DCAF1: variants seen among roughly 807,000 people sequenced by gnomAD.
DCAF1 encodes DDB1 and CUL4 associated factor 1, also known as DDB1- and CUL4-associated factor 1.
DCAF1 carries 15 observed loss-of-function variants against 128.0 expected under a neutral mutation model. The ratio of observed to expected loss-of-function variants is 0.12; its 90% CI spans 0.08 to 0.18. The LOEUF (loss-of-function observed/expected upper bound fraction) is 0.18. Ranked by LOEUF, DCAF1 falls within the 10% of genes least tolerant of loss-of-function variation. DCAF1 has a pLI of 1.00. For missense variants in DCAF1, 988 were observed against 1,649.5 expected, an observed-to-expected ratio of 0.60 and a Z score of 6.95; for synonymous variants, 610 against 603.0, an observed-to-expected ratio of 1.01 and a Z score of -0.17.
intron 23 of DCAF1, among the ~76,000 whole-genome samples, chr3:51,407,473 C>CA (rs2106993160): frequency 6.6e-6 from 1 of 152,270 alleles, no homozygotes; most frequent in Admixed American, 6.5e-5. Flanking sequence ...GTGGAGAACA[C>CA]ACAGGAAGCA....
chr3:51,488,253 G>T (rs1291797395), intron 2 of DCAF1, among the ~76,000 whole-genome samples: 1 of 152,138 alleles, frequency 6.6e-6, no homozygotes, highest in Non-Finnish European at 1.5e-5. Flanking sequence ...TTCATTCCAT[G>T]AAACCATCAT....
At chr3:51,437,266 C>CAAAAAAAAAAAAAAAAAA (rs71633071) in intron 9 of DCAF1, 3 of 256,602 alleles carry the variant, frequency 1.2e-5, no homozygotes, top group African/African-American at 4.8e-5. Flanking sequence ...GACTCCATGT[C>CAAAAAAAAAAAAAAAAAA]AAAAAAAAAA....
chr3:51,498,049 C>CAAAAAA lies in DCAF1; in HGVS notation c.-55-1275_-55-1270dup, dbSNP rs56734063. On this transcript the variant is annotated intron_variant, in intron 1 of 24. Coordinates refer to ENST00000684031, the MANE Select transcript of DCAF1 (RefSeq NM_001387579.1). ...TGGGCAACACAGTGAGACTCTGTCT[C>CAAAAAA]AAAAAAAAAAAAAAAAAAAAAAAAA... 4.8e-4 allele frequency among the ~76,000 whole-genome samples: 10 copies of CAAAAAA among 20,830 alleles called. 2 individuals carry two copies. Among genetic ancestry groups the CAAAAAA allele is most frequent in the Non-Finnish European group, 7.9e-4 (9 of 11,386 alleles). 13.7% of individuals were successfully genotyped at this position (20,830 alleles called of 152,430 possible). A position where few individuals can be genotyped will look rare whatever the true frequency, so the allele number is the denominator to read the frequency against.
intron 6 of DCAF1, among the ~76,000 whole-genome samples, chr3:51,458,448 C>A (rs1703166951): frequency 6.6e-6 from 1 of 152,122 alleles, no homozygotes; most frequent in African/African-American, 2.4e-5. Flanking sequence ...GACTTAGACT[C>A]CCACACAATA....
intron 23 of DCAF1, among the ~76,000 whole-genome samples, chr3:51,412,109 T>TTAAAAAAA (rs1312612615): frequency 3.4e-5 from 1 of 29,460 alleles, no homozygotes; most frequent in African/African-American, 1.4e-4. Context: ...AACTCCATTC[T>TTAAAAAAA]AAAAAAAAAA....
At chr3:51,405,854 T>C (rs892824879) in intron 23 of DCAF1, among the ~76,000 whole-genome samples, 1 of 151,974 alleles carries the variant, frequency 6.6e-6, no homozygotes, top group Non-Finnish European at 1.5e-5. Context: ...AAGTAAAAAC[T>C]AAAAATAATT....
chr3:51,409,014 AGCCCTCTTGACCCT>A (rs1698157844), intron 23 of DCAF1, among the ~76,000 whole-genome samples: 1 of 152,092 alleles, frequency 6.6e-6, no homozygotes, highest in African/African-American at 2.4e-5. Flanking sequence ...CACTCCTTAG[AGCCCTCTTGACCCT>A]GCCCCTCTCA....
chr3:51,483,743 T>C lies in DCAF1; in HGVS notation c.86A>G (p.Gln29Arg). ...CCTGGTAAGGATAGGTACCATGTCCTGCCCACTGCCATGTTCCTTTTCCCA... is the reference window on the plus strand; with the variant it reads ...CCTGGTAAGGATAGGTACCATGTCCCGCCCACTGCCATGTTCCTTTTCCCA... ...EQWEKEHGSG[Q>R]DMVPILTRMS... The change falls in exon 3 of 25, where the codon CAG becomes CGG. Residue 29 changes from glutamine (Q) to arginine (R), a missense_variant. Physicochemically the swap from Gln to Arg is conservative, Grantham distance 43. Transcript: ENST00000684031. 1 of 1,613,552 alleles carries C rather than the reference T, an allele frequency of 6.2e-7. No individual in the cohort carries two copies. The highest frequency in any genetic ancestry group is 8.5e-7 in the Non-Finnish European group (1 of 1,179,730).
At chr3:51,412,771 A>C (rs1481225114) in intron 22 of DCAF1, among the ~76,000 whole-genome samples, 1 of 152,198 alleles carries the variant, frequency 6.6e-6, no homozygotes, top group Admixed American at 6.5e-5. Flanking sequence ...CCAGAAAAAA[A>C]GGAGACAGGA....
intron 7 of DCAF1, among the ~76,000 whole-genome samples, chr3:51,443,092 G>A (rs1553639332): frequency 6.6e-6 from 1 of 151,560 alleles, no homozygotes; most frequent in African/African-American, 2.4e-5. Flanking sequence ...TGATGGGGGG[G>A]AGGGAAAAAA....
intron 3 of DCAF1, among the ~76,000 whole-genome samples, chr3:51,473,957 C>A (rs1441163571): frequency 6.6e-6 from 1 of 151,752 alleles, no homozygotes; most frequent in Non-Finnish European, 1.5e-5. Context: ...GCATGTGCCA[C>A]CACGCCCAGC....
At chr3:51,446,963 A>AAATAATAATAATAAT (rs59908556) in intron 6 of DCAF1, among the ~76,000 whole-genome samples, 38,730 of 136,544 alleles carry the variant, frequency 0.28, 5,651 homozygotes, top group South Asian at 0.36. Flanking sequence ...TTTGTCTCAA[A>AAATAATAATAATAAT]AATAATAATA....
chr3:51,416,763 A>G (rs1181420025), intron 18 of DCAF1, 24 bp downstream of exon 18: 2 of 1,597,246 alleles, frequency 1.3e-6, no homozygotes, highest in Non-Finnish European at 1.7e-6. Context: ...ATCAGCTTGA[A>G]AACAGTGGTT....
At chr3:51,414,931 A>T (rs1394941072) in intron 18 of DCAF1, 74 bp from the exon 19 acceptor site, 1 of 1,516,000 alleles carries the variant, frequency 6.6e-7, no homozygotes, top group Non-Finnish European at 8.9e-7. Flanking sequence ...GAAAATGTGC[A>T]AAGCAGTTTC....
Position 51,483,817 on chromosome 3 carries a change from T to C in DCAF1, c.12A>G (p.Val4=). The change falls in exon 3 of 25, where the codon GTA becomes GTG. Residue 4 remains valine, a synonymous_variant. Coordinates refer to ENST00000684031, the MANE Select transcript of DCAF1 (RefSeq NM_001387579.1). ...CAGCTTTGGAGTCCACATGTACCAC[T>C]ACTGTAGTCATGGCTTTGCCTAAGG... MTT[V]VVHVDSKAEL... is the part of the protein sequence containing the mutation. The C allele has an allele frequency of 6.2e-7, 1 of 1,613,464 alleles. No individual in the cohort carries two copies. The highest frequency in any genetic ancestry group is 8.5e-7 in the Non-Finnish European group (1 of 1,179,514).
intron 9 of DCAF1, chr3:51,440,175 G>A (rs1553638257): frequency 2.0e-6 from 1 of 509,970 alleles, no homozygotes. Context: ...AGTTTCTGTA[G>A]AGATAGTAAG....
downstream of DCAF1, chr3:51,397,014 A>G (rs1354952651): frequency 6.0e-6 from 1 of 167,092 alleles, no homozygotes; most frequent in Non-Finnish European, 1.5e-5. Flanking sequence ...CAGTGTGTAC[A>G]GCAAATTCTA....
chr3:51,403,080 G>T (rs542515724), intron 24 of DCAF1, 63 bp downstream of exon 24: 1 of 1,537,684 alleles, frequency 6.5e-7, no homozygotes, highest in Non-Finnish European at 8.8e-7. Flanking sequence ...AGTTGTATGG[G>T]CACAAAAGAA....
intron 3 of DCAF1, among the ~76,000 whole-genome samples, chr3:51,471,913 TTC>T (rs1184897800): frequency 6.6e-6 from 1 of 152,028 alleles, no homozygotes; most frequent in African/African-American, 2.4e-5. Context: ...CCACAACAAT[TTC>T]TGTTAGCTCT....
Sources: allele counts gnomAD v4.1 joint callset (sites outside exome capture counted in the v4.1 genomes callset), GRCh38; gene constraint gnomAD v4.1.1; transcripts MANE v1.5; gene names NCBI Gene and HGNC (gene_info 2026-07-23, HGNC 2026-07-21).